Variants in TMEM131L observed in about 807,000 individuals in gnomAD.
TMEM131L encodes the protein transmembrane 131 like, also known as transmembrane protein 131-like.
In TMEM131L, 54 loss-of-function variants were observed where a neutral mutation model predicts 192.2. The ratio of observed to expected loss-of-function variants is 0.28; its 90% CI spans 0.23 to 0.35. The LOEUF (loss-of-function observed/expected upper bound fraction) is 0.35, where lower values mean the gene tolerates loss of function less well. Among genes scored for constraint, TMEM131L ranks in the 10% least tolerant of loss-of-function variants. The pLI is 1.00. For missense variants in TMEM131L, 1,888 were observed against 1,972.9 expected (o/e 0.96, Z 0.82); for synonymous variants, 701 against 704.9 (o/e 0.99, Z 0.09).
rs1730839745 is a variant in TMEM131L, at chr4:153,467,378, G to A, written c.195+97G>A. 1.9e-5 allele frequency: 20 copies of A among 1,056,544 alleles called. 1 individual carries two copies. The South Asian group carries it at 2.6e-4, about 14-fold the overall frequency. The allele number at this position is 1,056,544 out of a possible 1,614,324, so 65.4% of individuals were successfully genotyped here. A position where few individuals can be genotyped will look rare whatever the true frequency, so the allele number is the denominator to read the frequency against. On this transcript the variant is annotated intron_variant, in intron 2 of 34. Coordinates refer to ENST00000409959, the MANE Select transcript of TMEM131L (RefSeq NM_001131007.2). ...CCCACCCCCTGTCCAAGCGGCACAG[G>A]CGTTCGGGCCACTTTGCAAGGCAAA...
chr4:153,566,431 G>A (rs75324534), intron 7 of TMEM131L, among the ~76,000 whole-genome samples: 1,914 of 152,186 alleles, frequency 0.013, 30 homozygotes, highest in African/African-American at 0.041. Context: ...CACTGTGTCC[G>A]GCTGAAACTT....
intron 25 of TMEM131L, among the ~76,000 whole-genome samples, chr4:153,609,372 A>G (rs2126532993): frequency 6.6e-6 from 1 of 152,288 alleles, no homozygotes; most frequent in Middle Eastern, 3.4e-3. Context: ...GCCAGGGAGA[A>G]GTCAGCCCCC....
At chr4:153,532,371 C>T (rs1212756626) in intron 3 of TMEM131L, among the ~76,000 whole-genome samples, 1 of 151,786 alleles carries the variant, frequency 6.6e-6, no homozygotes, top group Non-Finnish European at 1.5e-5. Context: ...CTCCTCTTTC[C>T]TACATGGAAT....
chr4:153,492,876 TAAG>T (rs976904670), intron 3 of TMEM131L, among the ~76,000 whole-genome samples: 1 of 152,030 alleles, frequency 6.6e-6, no homozygotes, highest in African/African-American at 2.4e-5. Context: ...GTTGAGTGGA[TAAG>T]AGCAGCAGGC....
chr4:153,603,099 A>G (rs1731961763), intron 23 of TMEM131L, among the ~76,000 whole-genome samples: 1 of 152,232 alleles, frequency 6.6e-6, no homozygotes, highest in Admixed American at 6.5e-5. Context: ...TTGTAATGTC[A>G]AATTTATAAA....
intron 24 of TMEM131L, 109 bp downstream of exon 24, chr4:153,603,561 T>C: frequency 2.3e-6 from 3 of 1,304,430 alleles, no homozygotes; most frequent in Non-Finnish European, 3.1e-6. Flanking sequence ...TACATTTGCT[T>C]TCATAAAATT....
intron 2 of TMEM131L, among the ~76,000 whole-genome samples, chr4:153,470,352 A>G (rs1295477841): frequency 6.6e-6 from 1 of 152,210 alleles, no homozygotes; most frequent in African/African-American, 2.4e-5. Flanking sequence ...ATTGGAGAGC[A>G]TGAACGGCTT....
At chr4:153,622,814 C>A in intron 28 of TMEM131L, 84 bp from the exon 29 acceptor site, 1 of 1,400,604 alleles carries the variant, frequency 7.1e-7, no homozygotes, top group Non-Finnish European at 1.0e-6. Context: ...GGCCCTACTC[C>A]TCCTGTCACC....
At chr4:153,470,979 T>A (rs1482247857) in intron 2 of TMEM131L, among the ~76,000 whole-genome samples, 1 of 144,504 alleles carries the variant, frequency 6.9e-6, no homozygotes, top group Non-Finnish European at 1.5e-5. Context: ...CTTCGGTTTT[T>A]TTTGTTTGTT....
chr4:153,481,621 C>T (rs868287648), intron 3 of TMEM131L, among the ~76,000 whole-genome samples: 5 of 152,130 alleles, frequency 3.3e-5, no homozygotes, highest in East Asian at 1.9e-4. Flanking sequence ...CTGCAACCTC[C>T]GCCTCCTGGG....
Position 153,583,196 on chromosome 4 carries a change from C to A in TMEM131L, c.899C>A (p.Ser300Ter). ...CTCTGATTCTTTTGGACAGATGATT[C>A]AGCAGTAAATATGTATATATTACAT... The part of the protein sequence containing the change: ...ATDESETSDD[S>*]AVNMYILHSG... Residue 300 changes from serine (S) to a stop codon, truncating the protein, a stop_gained, in exon 10 of 35, where the codon TCA (serine) becomes TAA (stop). Coordinates refer to ENST00000409959, the MANE Select transcript of TMEM131L (RefSeq NM_001131007.2). LOFTEE classifies it high-confidence loss of function. The A allele has an allele frequency of 7.0e-7, 1 of 1,432,456 alleles. No individual in the cohort carries two copies. The highest frequency in any genetic ancestry group is 9.9e-7 in the Non-Finnish European group (1 of 1,014,918). 88.7% of individuals were successfully genotyped at this position (1,432,456 alleles called of 1,614,324 possible).
intron 4 of TMEM131L, among the ~76,000 whole-genome samples, chr4:153,552,559 G>T (rs1373996802): frequency 2.0e-5 from 3 of 152,170 alleles, no homozygotes; most frequent in Non-Finnish European, 2.9e-5. Flanking sequence ...GGCCGGGCAC[G>T]GTGGTTTATG....
At chr4:153,579,617 G>T (rs576618960) in intron 7 of TMEM131L, among the ~76,000 whole-genome samples, 10 of 152,128 alleles carry the variant, frequency 6.6e-5, no homozygotes, top group South Asian at 2.1e-4. Context: ...GACTATAAGC[G>T]CACATCACCA....
intron 7 of TMEM131L, among the ~76,000 whole-genome samples, chr4:153,577,634 C>T (rs1370734260): frequency 1.3e-5 from 2 of 152,014 alleles, no homozygotes; most frequent in Middle Eastern, 3.2e-3. Flanking sequence ...GTTTGCTAAC[C>T]CCTGATATCT....
intron 3 of TMEM131L, among the ~76,000 whole-genome samples, chr4:153,524,048 G>A (rs188999648): frequency 3.4e-4 from 51 of 151,486 alleles, no homozygotes; most frequent in South Asian, 1.7e-3. Flanking sequence ...AATAAAAGTC[G>A]TCATCACCCA....
intron 7 of TMEM131L, among the ~76,000 whole-genome samples, chr4:153,566,091 AAAT>A (rs1187754295): frequency 1.3e-5 from 2 of 152,126 alleles, no homozygotes; most frequent in African/African-American, 4.8e-5. Flanking sequence ...GAATCATTGT[AAAT>A]AATGTTGTTG....
intron 7 of TMEM131L, chr4:153,558,669 C>G (rs1454196520): frequency 5.9e-6 from 1 of 169,210 alleles, no homozygotes; most frequent in Non-Finnish European, 1.3e-5. Context: ...TCTGAATCCT[C>G]TGTTTCCTTG....
chr4:153,521,431 G>A (rs181234997), intron 3 of TMEM131L, among the ~76,000 whole-genome samples: 2 of 152,172 alleles, frequency 1.3e-5, no homozygotes, highest in Non-Finnish European at 2.9e-5. Flanking sequence ...GAAAGGACAC[G>A]TGCTGTTAAA....
chr4:153,505,530 T>C (rs996855103), intron 3 of TMEM131L, among the ~76,000 whole-genome samples: 1 of 152,132 alleles, frequency 6.6e-6, no homozygotes, highest in African/African-American at 2.4e-5. Flanking sequence ...TTCTGATAAA[T>C]GGGATGAGGA....
Sources: allele counts gnomAD v4.1 joint callset (sites outside exome capture counted in the v4.1 genomes callset), GRCh38; gene constraint gnomAD v4.1.1; transcripts MANE v1.5; gene names NCBI Gene and HGNC (gene_info 2026-07-23, HGNC 2026-07-21).